ZDHHC17: variants seen among roughly 807,000 people sequenced by gnomAD.
ZDHHC17 encodes the protein zDHHC palmitoyltransferase 17, also known as palmitoyltransferase ZDHHC17.
A neutral mutation model predicts 90.3 loss-of-function variants in ZDHHC17; 40 were observed. The observed-to-expected ratio is 0.44, with a 90% CI of 0.34 to 0.58. The LOEUF (loss-of-function observed/expected upper bound fraction) is 0.58. Among genes scored for constraint, ZDHHC17 ranks in the 20% least tolerant of loss-of-function variants. The pLI, the probability that ZDHHC17 is intolerant of heterozygous loss-of-function variation, is 0.01. For missense variants in ZDHHC17, 614 were observed against 780.8 expected (o/e 0.79, Z 2.55); for synonymous variants, 235 against 252.4 (o/e 0.93, Z 0.65).
At chr12:76,790,923 A>T (rs1394954253) in intron 1 of ZDHHC17, among the ~76,000 whole-genome samples, 1 of 151,748 alleles carries the variant, frequency 6.6e-6, no homozygotes, top group Non-Finnish European at 1.5e-5. Context: ...ACTGACTAAC[A>T]ATTTATTGTA....
At chr12:76,791,708 C>T (rs986080339) in intron 1 of ZDHHC17, among the ~76,000 whole-genome samples, 5 of 152,138 alleles carry the variant, frequency 3.3e-5, no homozygotes, top group African/African-American at 1.2e-4. Context: ...GTCAAGGGCT[C>T]AGTCCCACAA....
chr12:76,807,825 A>G (rs1952973109), intron 3 of ZDHHC17, among the ~76,000 whole-genome samples: 1 of 152,218 alleles, frequency 6.6e-6, no homozygotes, highest in Non-Finnish European at 1.5e-5. Context: ...ATTTTTAATA[A>G]AATATCATTT....
chr12:76,821,028 T>C (rs1953158016), intron 7 of ZDHHC17: 1 of 1,258,998 alleles, frequency 7.9e-7, no homozygotes, highest in African/African-American at 1.5e-5. Context: ...TTGAAAGATA[T>C]TTTAAAGCTC....
At position 76,815,133 on chromosome 12, in the gene ZDHHC17, T is replaced by C. The variant is rs147612581; in HGVS notation, c.544-13T>C. On this transcript the variant is annotated splice_polypyrimidine_tract_variant and intron_variant, in intron 5 of 16. Transcript: ENST00000426126. ...ATTTAACTGTCTGACTTTTTTTCTT[T>C]TTACTTTATCAGGATGTAGATATGA... The C allele has an allele frequency of 2.6e-6, 4 of 1,533,738 alleles. No homozygotes were observed. Among genetic ancestry groups the C allele is most frequent in the Non-Finnish European group, 3.5e-6 (4 of 1,137,996 alleles).
chr12:76,805,560 C>A, intron 3 of ZDHHC17, 121 bp downstream of exon 3: 1 of 915,742 alleles, frequency 1.1e-6, no homozygotes, highest in Non-Finnish European at 1.6e-6. Context: ...AAGATAGATT[C>A]TGTGTACCTT....
At chr12:76,817,377 C>G (rs1284502675) in intron 7 of ZDHHC17, among the ~76,000 whole-genome samples, 1 of 151,898 alleles carries the variant, frequency 6.6e-6, no homozygotes, top group Non-Finnish European at 1.5e-5. Context: ...ACAGCCATTC[C>G]TAAGGTGATC....
At chr12:76,793,870 G>A (rs907510852) in intron 1 of ZDHHC17, among the ~76,000 whole-genome samples, 2 of 151,958 alleles carry the variant, frequency 1.3e-5, no homozygotes, top group Non-Finnish European at 2.9e-5. Flanking sequence ...CATTAACATC[G>A]AGGAAAAATT....
intron 9 of ZDHHC17, among the ~76,000 whole-genome samples, chr12:76,827,602 C>G (rs1006894078): frequency 3.1e-4 from 47 of 152,154 alleles, no homozygotes; most frequent in African/African-American, 1.1e-3. Flanking sequence ...TCCAACAAAC[C>G]TAGACAGGTG....
chr12:76,848,391 G>A lies in ZDHHC17; in HGVS notation c.1665+1G>A. On this transcript the variant is annotated splice_donor_variant, in intron 15 of 16. Coordinates refer to ENST00000426126, the MANE Select transcript of ZDHHC17 (RefSeq NM_015336.4). LOFTEE classifies it high-confidence loss of function. ...ATTACTCATGTGTCAGATGTACCAG[G>A]TATGTGCAAAGGCATTCTTTTTAGT... 1 of 1,613,462 alleles carries A rather than the reference G, an allele frequency of 6.2e-7. No homozygotes were observed. The highest frequency in any genetic ancestry group is 8.5e-7 in the Non-Finnish European group (1 of 1,179,594).
chr12:76,781,152 A>AT (rs1431069322), intron 1 of ZDHHC17, among the ~76,000 whole-genome samples: 1 of 151,740 alleles, frequency 6.6e-6, no homozygotes, highest in Non-Finnish European at 1.5e-5. Flanking sequence ...AAAAAAAAAA[A>AT]AATCTGATAA....
chr12:76,766,719 A>G (rs1173799154), intron 1 of ZDHHC17, among the ~76,000 whole-genome samples: 1 of 152,102 alleles, frequency 6.6e-6, no homozygotes, highest in South Asian at 2.1e-4. Flanking sequence ...TTCAGTTGTA[A>G]TCAGAAAATG....
rs1446201518 is a variant in ZDHHC17 at position 76,853,076 on chromosome 12, CTTT to C, written c.*2092_*2094del. On this transcript the variant is annotated 3_prime_UTR_variant, in exon 17 of 17. Transcript: ENST00000426126. ...TGGCTAAGAATGTTGTTACCATCTT[CTTT>C]GTTTGTGGTACAATATTTTCAGTGC... 6.6e-6 allele frequency: 1 copy of C among 152,222 alleles called. No homozygotes were observed. Among genetic ancestry groups the C allele is most frequent in the African/African-American group, 2.4e-5 (1 of 41,526 alleles). The allele number at this position is 152,222 out of a possible 1,614,324, so 9.4% of individuals were successfully genotyped here. A position where few individuals can be genotyped will look rare whatever the true frequency, so the allele number is the denominator to read the frequency against.
intron 1 of ZDHHC17, among the ~76,000 whole-genome samples, chr12:76,782,254 A>G (rs993613711): frequency 2.0e-5 from 3 of 152,218 alleles, no homozygotes; most frequent in Non-Finnish European, 4.4e-5. Context: ...CTTTAGCTGG[A>G]TGCCTGCTGG....
chr12:76,846,493 A>G (rs1228281548), intron 13 of ZDHHC17, 103 bp from the exon 14 acceptor site: 2 of 763,680 alleles, frequency 2.6e-6, no homozygotes, highest in African/African-American at 3.5e-5. Flanking sequence ...ATGTGTGATT[A>G]TCATCAAAAC....
intron 1 of ZDHHC17, among the ~76,000 whole-genome samples, chr12:76,787,763 TTAG>T (rs1952707422): frequency 1.3e-5 from 2 of 152,170 alleles, no homozygotes. Context: ...TCTGTGAACA[TTAG>T]TAGTAAAACC....
chr12:76,829,885 G>C (rs1422346043), intron 10 of ZDHHC17, among the ~76,000 whole-genome samples: 3 of 152,088 alleles, frequency 2.0e-5, no homozygotes, highest in Non-Finnish European at 4.4e-5. Context: ...TTGGAGTGCA[G>C]TGGCACAATC....
chr12:76,789,452 A>G (rs1052938610), intron 1 of ZDHHC17, among the ~76,000 whole-genome samples: 1 of 152,236 alleles, frequency 6.6e-6, no homozygotes, highest in Non-Finnish European at 1.5e-5. Flanking sequence ...ACATGTAAGA[A>G]TAACCTAAAA....
chr12:76,799,629 A>G (rs1174108040), intron 2 of ZDHHC17, among the ~76,000 whole-genome samples: 1 of 152,208 alleles, frequency 6.6e-6, no homozygotes, highest in African/African-American at 2.4e-5. Flanking sequence ...GAGGTCTGTG[A>G]TCACCAAAAA....
intron 10 of ZDHHC17, among the ~76,000 whole-genome samples, chr12:76,830,522 TG>T (rs1953287193): frequency 6.6e-6 from 1 of 152,220 alleles, no homozygotes; most frequent in Non-Finnish European, 1.5e-5. Context: ...TATTATACTT[TG>T]ACTTAAAAAT....
Sources: gnomAD v4.1 joint callset for allele counts (sites outside exome capture counted in the v4.1 genomes callset) on GRCh38, gnomAD v4.1.1 for gene constraint, MANE v1.5 for transcripts, NCBI Gene and HGNC (gene_info 2026-07-23, HGNC 2026-07-21) for gene names.